The following PPP4R4 variants were observed in gnomAD, a reference collection of about 807,000 sequenced individuals.
PPP4R4 encodes protein phosphatase 4 regulatory subunit 4.
A neutral mutation model predicts 121.8 loss-of-function variants in PPP4R4; 70 were observed. The ratio of observed to expected loss-of-function variants is 0.57; its 90% CI spans 0.47 to 0.70. PPP4R4 has a LOEUF of 0.70. Among genes scored for constraint, PPP4R4 ranks in the 30% least tolerant of loss-of-function variants. The pLI is 0.00. For missense variants in PPP4R4, 875 were observed against 1,033.6 expected (o/e 0.85, Z 2.10); for synonymous variants, 348 against 355.7 (o/e 0.98, Z 0.24).
intron 3 of PPP4R4, among the ~76,000 whole-genome samples, chr14:94,211,032 A>G (rs1042480661): frequency 2.0e-5 from 3 of 152,216 alleles, no homozygotes; most frequent in Admixed American, 2.0e-4. Flanking sequence ...TGCTTTATTT[A>G]CTTTTGCTTG....
intron 23 of PPP4R4, among the ~76,000 whole-genome samples, chr14:94,273,228 AT>A (rs1182617755): frequency 6.6e-6 from 1 of 152,196 alleles, no homozygotes; most frequent in Non-Finnish European, 1.5e-5. Flanking sequence ...AAACAAACAA[AT>A]TATTCTTCAG....
At chr14:94,229,211 T>C (rs144181668) in intron 3 of PPP4R4, among the ~76,000 whole-genome samples, 1 of 152,234 alleles carries the variant, frequency 6.6e-6, no homozygotes, top group African/African-American at 2.4e-5. Flanking sequence ...TAAAGGTTTT[T>C]TGAGTAATTG....
chr14:94,241,072 G>A (rs1892607397), intron 9 of PPP4R4, among the ~76,000 whole-genome samples: 1 of 152,064 alleles, frequency 6.6e-6, no homozygotes, highest in Admixed American at 6.5e-5. Flanking sequence ...TTTGGTATGT[G>A]ATAATAGAAG....
Position 94,278,635 on chromosome 14 carries a change from A to G in PPP4R4, c.2614A>G (p.Asn872Asp). 1 of 1,586,676 alleles carries G rather than the reference A, an allele frequency of 6.3e-7. No homozygotes were observed. Among genetic ancestry groups the G allele is most frequent in the Non-Finnish European group, 8.6e-7 (1 of 1,163,710 alleles). ...TTCCCAAAGAAAATCCAGAAAATCC[A>G]ATCCTTAAATCAACTGCTTGATGAA... ...RKATLKSRKS[N>D]P Residue 872 changes from asparagine (N) to aspartate (D), a missense_variant, in exon 25 of 25, where the codon AAT (asparagine) becomes GAT (aspartate). Physicochemically the swap from Asn to Asp is conservative, Grantham distance 23. Transcript: ENST00000304338.
At chr14:94,266,340 G>C (rs142593580) in intron 22 of PPP4R4, among the ~76,000 whole-genome samples, 4 of 152,012 alleles carry the variant, frequency 2.6e-5, no homozygotes, top group African/African-American at 4.8e-5. Context: ...ATGAATGTCT[G>C]GTTTCCCCTT....
At chr14:94,200,006 G>A (rs533717191) in intron 2 of PPP4R4, among the ~76,000 whole-genome samples, 2 of 152,254 alleles carry the variant, frequency 1.3e-5, no homozygotes, top group East Asian at 1.9e-4. Context: ...ACCTAGGTCC[G>A]TGGGCACAGG....
intron 2 of PPP4R4, among the ~76,000 whole-genome samples, chr14:94,192,884 T>A (rs1337469495): frequency 6.6e-6 from 1 of 152,156 alleles, no homozygotes; most frequent in East Asian, 1.9e-4. Flanking sequence ...CCTTATTAGA[T>A]TTTAAGTTCT....
intron 14 of PPP4R4, among the ~76,000 whole-genome samples, chr14:94,248,458 A>G (rs1007150358): frequency 2.6e-5 from 4 of 152,226 alleles, no homozygotes; most frequent in Non-Finnish European, 5.9e-5. Context: ...TAGAAGAATT[A>G]ATATTGTTAA....
chr14:94,217,240 G>A (rs1006715253), intron 3 of PPP4R4, among the ~76,000 whole-genome samples: 8 of 152,176 alleles, frequency 5.3e-5, no homozygotes, highest in Non-Finnish European at 1.0e-4. Flanking sequence ...GGAACACTGA[G>A]GCAAACCCTT....
chr14:94,277,410 G>A (rs1894703673), intron 24 of PPP4R4, among the ~76,000 whole-genome samples: 2 of 152,164 alleles, frequency 1.3e-5, no homozygotes, highest in Non-Finnish European at 2.9e-5. Context: ...TCAACTCAGC[G>A]CACTGGCCCT....
At chr14:94,175,761 G>T in intron 1 of PPP4R4, 1 of 435,332 alleles carries the variant, frequency 2.3e-6, no homozygotes, top group Non-Finnish European at 4.2e-6. Context: ...CGTATGAAAT[G>T]GATTTCAGCC....
At chr14:94,218,998 C>T (rs578038065) in intron 3 of PPP4R4, among the ~76,000 whole-genome samples, 2 of 149,632 alleles carry the variant, frequency 1.3e-5, no homozygotes, top group Non-Finnish European at 3.0e-5. Context: ...TTTAGATAAA[C>T]AGAAATTGAG....
chr14:94,238,544 G>A (rs1191771371), intron 8 of PPP4R4, among the ~76,000 whole-genome samples: 1 of 152,162 alleles, frequency 6.6e-6, no homozygotes, highest in Admixed American at 6.5e-5. Flanking sequence ...TATTTGAGTG[G>A]GAGAGGGTAA....
chr14:94,263,464 G>A (rs1363223713), intron 19 of PPP4R4, among the ~76,000 whole-genome samples: 3 of 151,846 alleles, frequency 2.0e-5, no homozygotes, highest in Admixed American at 6.6e-5. Flanking sequence ...ATTTCCATTT[G>A]GTTCTTTTAG....
At chr14:94,216,596 C>T (rs1373269378) in intron 3 of PPP4R4, among the ~76,000 whole-genome samples, 1 of 152,166 alleles carries the variant, frequency 6.6e-6, no homozygotes, top group Non-Finnish European at 1.5e-5. Flanking sequence ...GAGCATCTCC[C>T]TTGGTGATAA....
chr14:94,199,943 G>A (rs1890084443), intron 2 of PPP4R4, among the ~76,000 whole-genome samples: 1 of 152,080 alleles, frequency 6.6e-6, no homozygotes, highest in Non-Finnish European at 1.5e-5. Context: ...GTGGGCCAGG[G>A]TGGTCTTGGG....
At chr14:94,245,494 A>T in intron 12 of PPP4R4, 93 bp from the exon 13 acceptor site, 1 of 592,434 alleles carries the variant, frequency 1.7e-6, no homozygotes, top group Non-Finnish European at 2.8e-6. Context: ...GGAAAAAAAA[A>T]AACCACTACT....
chr14:94,253,440 A>G (rs1236617697), intron 16 of PPP4R4, among the ~76,000 whole-genome samples: 2 of 152,228 alleles, frequency 1.3e-5, no homozygotes, highest in Non-Finnish European at 2.9e-5. Context: ...AGCCTAGGTG[A>G]CAGAGCAAGA....
intron 2 of PPP4R4, among the ~76,000 whole-genome samples, chr14:94,183,915 A>G (rs1889121425): frequency 6.6e-6 from 1 of 151,958 alleles, no homozygotes; most frequent in South Asian, 2.1e-4. Flanking sequence ...ATAAAGCAAT[A>G]TAAAATAAAT....
Sources: allele counts gnomAD v4.1 joint callset (sites outside exome capture counted in the v4.1 genomes callset), GRCh38; gene constraint gnomAD v4.1.1; transcripts MANE v1.5; gene names NCBI Gene and HGNC (gene_info 2026-07-23, HGNC 2026-07-21).